Variants in SIN3B observed in about 807,000 individuals in gnomAD.
SIN3B encodes the protein SIN3 transcription regulator family member B.
In SIN3B, 19 loss-of-function variants were observed where a neutral mutation model predicts 120.2. The ratio of observed to expected loss-of-function variants is 0.16; its 90% CI spans 0.11 to 0.23. The LOEUF (loss-of-function observed/expected upper bound fraction) is 0.23, where lower values mean the gene tolerates loss of function less well. Ranked by LOEUF, SIN3B falls within the 10% of genes least tolerant of loss-of-function variation. The pLI is 1.00. For missense variants in SIN3B, 1,073 were observed against 1,573.0 expected, an observed-to-expected ratio of 0.68 and a Z score of 5.38; for synonymous variants, 654 against 653.2, an observed-to-expected ratio of 1.00 and a Z score of -0.02.
At chr19:16,858,081 T>A (rs1323700097) in intron 8 of SIN3B, among the ~76,000 whole-genome samples, 1 of 152,146 alleles carries the variant, frequency 6.6e-6, no homozygotes, top group Non-Finnish European at 1.5e-5. Context: ...TTCGCCATGT[T>A]GGTCAGGCTG....
chr19:16,874,296 A>AGGTCTGGTCTGGTCTAGTTTTGGTCT (rs1471227968), intron 14 of SIN3B, among the ~76,000 whole-genome samples: 1 of 151,714 alleles, frequency 6.6e-6, no homozygotes, highest in African/African-American at 2.4e-5. Flanking sequence ...TGTTTTGTTC[A>AGGTCTGGTCTGGTCTAGTTTTGGTCT]GGTCTGGTCT....
chr19:16,870,109 G>A (rs1474041756), intron 13 of SIN3B, 34 bp downstream of exon 13: 8 of 1,522,502 alleles, frequency 5.3e-6, no homozygotes, highest in Non-Finnish European at 6.2e-6. Context: ...AGGCCCCGGG[G>A]GGTGCCTGGG....
At position 16,878,729 on chromosome 19, in the gene SIN3B, C is replaced by G. The variant is rs1225357916; in HGVS notation, c.*2C>G. 1 of 1,593,402 alleles carries G rather than the reference C, an allele frequency of 6.3e-7. No homozygotes were observed. Among genetic ancestry groups the G allele is most frequent in the African/African-American group, 1.3e-5 (1 of 74,526 alleles). ...AGCCGCCGCCCGGCCTCGCCCTGAC[C>G]CGCCCTCATGGGCACCGGGCAGGCG... On this transcript the variant is annotated 3_prime_UTR_variant, in exon 19 of 19. Coordinates refer to ENST00000248054, the MANE Select transcript of SIN3B (RefSeq NM_001297595.2).
At position 16,847,013 on chromosome 19, in the gene SIN3B, C is replaced by A. The variant is rs1267941253; in HGVS notation, c.626C>A (p.Ser209Tyr). The change falls in exon 5 of 19, where the codon TCT becomes TAT. Residue 209 changes from serine to tyrosine, a missense_variant. Around this residue, in one of 7 missense-constraint regions of SIN3B, gnomAD observed 395 missense variants for 528.0 expected, o/e 0.75. Coordinates refer to ENST00000248054, the MANE Select transcript of SIN3B (RefSeq NM_001297595.2). ...AGGGGCCGGCCATTCCGAGGCATGT[C>A]TGAAGAGGAGGTGTTCACCGAGGTG... ...NTRGRPFRGMSEEEVFTEVAN... is the reference protein window; with the variant it reads ...NTRGRPFRGMYEEEVFTEVAN... 6.2e-7 allele frequency: 1 copy of A among 1,614,204 alleles called. No individual in the cohort carries two copies. The highest frequency in any genetic ancestry group is 2.2e-5 in the East Asian group (1 of 44,870).
intron 2 of SIN3B, among the ~76,000 whole-genome samples, chr19:16,830,261 T>G (rs1971262771): frequency 6.6e-6 from 1 of 152,192 alleles, no homozygotes; most frequent in African/African-American, 2.4e-5. Flanking sequence ...CGCTGTAAAA[T>G]GTTATTGTCT....
At chr19:16,851,950 G>A (rs1007690966) in intron 6 of SIN3B, among the ~76,000 whole-genome samples, 8 of 152,194 alleles carry the variant, frequency 5.3e-5, no homozygotes, top group Non-Finnish European at 7.3e-5. Flanking sequence ...GTGGTTTTCC[G>A]ATTCCATTAT....
intron 4 of SIN3B, chr19:16,846,486 TC>T (rs1207038814): frequency 6.5e-6 from 1 of 153,372 alleles, no homozygotes; most frequent in African/African-American, 2.4e-5. Context: ...GCTGGCCCGT[TC>T]CTGCCTTCCA....
intron 10 of SIN3B, 71 bp downstream of exon 10, chr19:16,863,867 ATCC>A: frequency 9.4e-7 from 1 of 1,063,974 alleles, no homozygotes; most frequent in Non-Finnish European, 1.5e-6. Flanking sequence ...ATGCATCCTG[ATCC>A]TCCTCCACTG....
chr19:16,853,088 G>A lies in SIN3B; in HGVS notation c.869G>A (p.Gly290Asp). 6.2e-7 allele frequency: 1 copy of A among 1,614,132 alleles called. No individual in the cohort carries two copies. Among genetic ancestry groups the A allele is most frequent in the Non-Finnish European group, 8.5e-7 (1 of 1,179,982 alleles). The change falls in exon 7 of 19, where the codon GGT becomes GAT. Residue 290 changes from glycine (G) to aspartate (D), a missense_variant. Physicochemically the swap from Gly to Asp is moderately conservative, Grantham distance 94 (BLOSUM62 -1). This residue lies in a region of SIN3B where 395 missense variants were observed against 528.0 expected (regional missense o/e 0.75). Coordinates refer to ENST00000248054, the MANE Select transcript of SIN3B (RefSeq NM_001297595.2). The stretch of plus-strand genomic sequence containing the variant: ...CCACAGAAAAAAATGAAACTTCGTG[G>A]TACCAAAGACCTGTCCATCGCTGCA... The part of the protein sequence containing the change: ...APAKKKMKLR[G>D]TKDLSIAAVG...
rs1971763638 is a variant in SIN3B at position 16,865,778 on chromosome 19, C to T, written c.1622+130C>T. The stretch of plus-strand genomic sequence containing the variant: ...TGCTGTTTGTCAACAGGTGTCATCT[C>T]CAGGGGTGGTCTCTGAGGCCTAAGG... On this transcript the variant is annotated intron_variant, in intron 11 of 18. Transcript: ENST00000248054. 3 of 658,768 alleles carry T rather than the reference C, an allele frequency of 4.6e-6. No homozygotes were observed. In the South Asian group the frequency reaches 5.8e-5, roughly 13 times the overall value. 40.8% of individuals were successfully genotyped at this position (658,768 alleles called of 1,614,324 possible).
intron 2 of SIN3B, among the ~76,000 whole-genome samples, chr19:16,830,899 G>T (rs1971270108): frequency 6.6e-6 from 1 of 152,200 alleles, no homozygotes; most frequent in South Asian, 2.1e-4. Flanking sequence ...AGGCCTTGCG[G>T]TTGGCTCTCC....
chr19:16,873,608 A>C (rs2051542203), intron 14 of SIN3B, among the ~76,000 whole-genome samples: 1 of 149,542 alleles, frequency 6.7e-6, no homozygotes, highest in Admixed American at 6.7e-5. Flanking sequence ...ATTGGACCAG[A>C]TGGTTTATGG....
intron 3 of SIN3B, among the ~76,000 whole-genome samples, chr19:16,839,759 G>A (rs1028008069): frequency 5.9e-5 from 9 of 152,162 alleles, no homozygotes; most frequent in African/African-American, 2.2e-4. Context: ...AGTGGTTTAC[G>A]CCTGTAATCT....
intron 6 of SIN3B, among the ~76,000 whole-genome samples, chr19:16,852,533 C>T (rs548556092): frequency 2.0e-5 from 3 of 152,368 alleles, no homozygotes; most frequent in South Asian, 4.1e-4. Flanking sequence ...AGGCGTGAGT[C>T]CCTGCACCCA....
At chr19:16,834,210 A>T (rs963135867) in intron 3 of SIN3B, among the ~76,000 whole-genome samples, 1 of 152,190 alleles carries the variant, frequency 6.6e-6, no homozygotes, top group African/African-American at 2.4e-5. Flanking sequence ...GCTCATTTGC[A>T]ATAGCAGCGT....
intron 14 of SIN3B, chr19:16,872,755 T>C (rs2051528732): frequency 6.6e-6 from 1 of 152,202 alleles, no homozygotes; most frequent in African/African-American, 2.4e-5. Flanking sequence ...ACAACCCTGA[T>C]TTCTACAGAG....
chr19:16,876,436 C>G lies in SIN3B; in HGVS notation c.2767-50C>G. 1 of 1,585,384 alleles carries G rather than the reference C, an allele frequency of 6.3e-7. No individual in the cohort carries two copies. Among genetic ancestry groups the G allele is most frequent in the Non-Finnish European group, 8.6e-7 (1 of 1,158,452 alleles). ...GGTGGCCTTGCGAGCCTGCGCTGTG[C>G]CGGCTGGGCTGTGCCGGCAGTGGAG... is the stretch of plus-strand genomic sequence containing the variant. On this transcript the variant is annotated intron_variant, in intron 15 of 18. Transcript: ENST00000248054. The surrounding 1 kb of genome is among the most constrained non-coding windows in gnomAD (Gnocchi z 7.1).
chr19:16,876,567 G>C lies in SIN3B; in HGVS notation c.2848G>C (p.Val950Leu), dbSNP rs202214267. ...CGAGGAGGCCCAGACGGAGGACCCT[G>C]TGGAGGTCCAGGTGAGGCCCTGGCC... ...DTEEAQTEDP[V>L]EVQHLARYVE... The change falls in exon 16 of 19, where the codon GTG (valine) becomes CTG (leucine). Residue 950 changes from valine (V) to leucine (L), a missense_variant. Coordinates refer to ENST00000248054, the MANE Select transcript of SIN3B (RefSeq NM_001297595.2). This position sits in a 1 kb window ranked among gnomAD's most constrained non-coding sequence, Gnocchi z 7.1. 2 of 1,613,084 alleles carry C rather than the reference G, an allele frequency of 1.2e-6. No individual in the cohort carries two copies. Among genetic ancestry groups the C allele is most frequent in the Non-Finnish European group, 1.7e-6 (2 of 1,179,650 alleles).
At chr19:16,867,898 G>A (rs1599610038) in intron 12 of SIN3B, among the ~76,000 whole-genome samples, 1 of 152,264 alleles carries the variant, frequency 6.6e-6, no homozygotes, top group Non-Finnish European at 1.5e-5. Flanking sequence ...AGGTTCTGTG[G>A]GTCTGTGGTG....
Sources: gnomAD v4.1 joint callset for allele counts (sites outside exome capture counted in the v4.1 genomes callset) on GRCh38, gnomAD v4.1.1 for gene constraint, gnomAD v4.1.1 regional missense constraint, Gnocchi (gnomAD v3.1) non-coding constraint, MANE v1.5 for transcripts, NCBI Gene and HGNC (gene_info 2026-07-23, HGNC 2026-07-21) for gene names.